Variants in MAPT observed in about 807,000 individuals in gnomAD.
MAPT encodes the protein microtubule-associated protein tau.
Under a neutral mutation model 67.9 loss-of-function variants are expected in MAPT, and 34 were observed. The observed-to-expected ratio is 0.50, with a 90% confidence interval of 0.38 to 0.67. The LOEUF (loss-of-function observed/expected upper bound fraction) is 0.67, where lower values mean the gene tolerates loss of function less well. Ranked by LOEUF, MAPT falls within the 30% of genes least tolerant of loss-of-function variation. The pLI, the probability that MAPT is intolerant of heterozygous loss-of-function variation, is 0.00. For synonymous variants in MAPT, 456 were observed against 464.5 expected, an observed-to-expected ratio of 0.98 and a Z score of 0.23; for missense variants, 881 against 1,115.2, an observed-to-expected ratio of 0.79 and a Z score of 2.99.
At chr17:45,976,663 AC>A (rs1371091660) in intron 3 of MAPT, 1 of 152,142 alleles carries the variant, frequency 6.6e-6, no homozygotes, top group Non-Finnish European at 1.5e-5. Flanking sequence ...CTCTTGTAAA[AC>A]ACTCCCCATG....
chr17:46,002,367 G>T (rs1568314470), intron 9 of MAPT, among the ~76,000 whole-genome samples: 1 of 152,140 alleles, frequency 6.6e-6, no homozygotes, highest in Admixed American at 6.5e-5. Flanking sequence ...TGAAGAAGCA[G>T]GGAGTCCCAG....
chr17:45,914,275 C>T (rs1260426553), intron 1 of MAPT, among the ~76,000 whole-genome samples: 1 of 115,826 alleles, frequency 8.6e-6, no homozygotes, highest in Non-Finnish European at 2.3e-5. Context: ...GAGCAGAGGG[C>T]GGCTGATCTG....
At chr17:45,923,918 C>T (rs2066007005) in intron 1 of MAPT, among the ~76,000 whole-genome samples, 1 of 152,138 alleles carries the variant, frequency 6.6e-6, no homozygotes, top group South Asian at 2.1e-4. Flanking sequence ...AATGGTAATA[C>T]CTGCTTTTTA....
At chr17:45,946,732 G>A (rs1379968389) in intron 1 of MAPT, among the ~76,000 whole-genome samples, 1 of 150,470 alleles carries the variant, frequency 6.6e-6, no homozygotes, top group Admixed American at 6.7e-5. Context: ...GGCTATTCCA[G>A]TAGTTACAAT....
intron 1 of MAPT, among the ~76,000 whole-genome samples, chr17:45,946,615 A>AAATATATATAT: frequency 5.0e-5 from 5 of 100,408 alleles, no homozygotes; most frequent in African/African-American, 2.2e-4. Flanking sequence ...AAAAAAAAAA[A>AAATATATATAT]ATATATATAT....
At chr17:45,966,252 T>G (rs893800499) in intron 2 of MAPT, among the ~76,000 whole-genome samples, 3 of 152,250 alleles carry the variant, frequency 2.0e-5, no homozygotes, top group Non-Finnish European at 4.4e-5. Context: ...ACAAGTTTTC[T>G]GTAAATCTAA....
rs912122198 is a variant in MAPT at position 45,982,687 on chromosome 17, G to C, written c.287-179G>C. ...AGCGAGCTGGTGGCGGCTAGACCAG[G>C]AGAGCTGTCATTCCAAGCAAGCAAA... On this transcript the variant is annotated intron_variant, in intron 4 of 12. Transcript: ENST00000262410. Among the ~76,000 whole-genome samples the C allele has an allele frequency of 3.3e-5, 5 of 152,076 alleles. No homozygotes were observed. The East Asian group carries it at 9.7e-4, about 30-fold the overall frequency.
chr17:45,982,093 G>A (rs986436602), intron 4 of MAPT, among the ~76,000 whole-genome samples: 1 of 151,862 alleles, frequency 6.6e-6, no homozygotes, highest in Non-Finnish European at 1.5e-5. Flanking sequence ...GGGGACCGGG[G>A]TGGGCAGATC....
chr17:46,022,032 A>T (rs1471392365), intron 12 of MAPT, among the ~76,000 whole-genome samples: 1 of 152,236 alleles, frequency 6.6e-6, no homozygotes, highest in East Asian at 1.9e-4. Flanking sequence ...TATTTTTATC[A>T]AAGCCTGTAT....
At chr17:45,986,897 G>A in intron 5 of MAPT, 143 bp from the exon 6 acceptor site, 1 of 704,700 alleles carries the variant, frequency 1.4e-6, no homozygotes, top group South Asian at 1.6e-5. Flanking sequence ...AGATTCAAGG[G>A]AAAAGAGAAC....
intron 1 of MAPT, among the ~76,000 whole-genome samples, chr17:45,913,128 C>G (rs1157063188): frequency 1.3e-5 from 2 of 152,258 alleles, no homozygotes; most frequent in Middle Eastern, 3.4e-3. Flanking sequence ...GGGGAATTTA[C>G]AAAAGAAAGA....
intron 9 of MAPT, chr17:45,999,171 C>T (rs2074771308): frequency 2.0e-6 from 3 of 1,465,284 alleles, no homozygotes; most frequent in Non-Finnish European, 2.7e-6. Flanking sequence ...AATCCAAGTT[C>T]AGTTGCCATC....
At position 45,971,714 on chromosome 17, in the gene MAPT, G is replaced by A. The variant is rs527629319; in HGVS notation, c.134-145G>A. The A allele has an allele frequency of 5.6e-6, 4 of 709,414 alleles. No individual in the cohort carries two copies. In the South Asian group the frequency reaches 6.0e-5, roughly 11 times the overall value. 43.9% of individuals were successfully genotyped at this position (709,414 alleles called of 1,614,324 possible). The stretch of plus-strand genomic sequence containing the variant: ...GGGAGGTGGGGTTGGTCCCCTTTGT[G>A]GGTTTGTTGCGAGGCCGTGTTCCAG... On this transcript the variant is annotated intron_variant, in intron 2 of 12. Coordinates refer to ENST00000262410, the MANE Select transcript of MAPT (RefSeq NM_001377265.1). This position sits in a 1 kb window ranked among gnomAD's most constrained non-coding sequence, Gnocchi z 4.3.
At chr17:45,895,530 G>C (rs1484119832) in intron 1 of MAPT, 1 of 152,298 alleles carries the variant, frequency 6.6e-6, no homozygotes, top group African/African-American at 2.4e-5. Context: ...CCGTTCGCGG[G>C]CACGCACAGC....
chr17:46,014,890 A>AG (rs2076068383), intron 11 of MAPT, among the ~76,000 whole-genome samples: 1 of 151,778 alleles, frequency 6.6e-6, no homozygotes, highest in Non-Finnish European at 1.5e-5. Context: ...CTCAAAAAAA[A>AG]AAAGCACATG....
intron 4 of MAPT, among the ~76,000 whole-genome samples, chr17:45,980,903 G>A (rs191165853): frequency 1.3e-5 from 2 of 152,338 alleles, no homozygotes; most frequent in Non-Finnish European, 1.5e-5. Context: ...TAAGGCACCT[G>A]CAGAGCCTGT....
chr17:45,997,226 C>T (rs1345880247), intron 9 of MAPT, among the ~76,000 whole-genome samples: 1 of 152,156 alleles, frequency 6.6e-6, no homozygotes, highest in Non-Finnish European at 1.5e-5. Flanking sequence ...CTTCGGGGGC[C>T]TGGCCTGGAT....
chr17:46,023,860 TC>T, intron 12 of MAPT, 95 bp from the exon 13 acceptor site: 1 of 1,009,908 alleles, frequency 9.9e-7, no homozygotes, highest in Admixed American at 1.8e-5. Flanking sequence ...CAAAAAACAG[TC>T]CCTGGCACTC....
rs528159153 is a variant in MAPT, at chr17:45,911,447, T to C, written c.-18+16761T>C. Among the ~76,000 whole-genome samples the C allele has an allele frequency of 4.8e-4, 72 of 149,282 alleles. No homozygotes were observed. The South Asian group carries it at 0.015, about 31-fold the overall frequency. On this transcript the variant is annotated intron_variant, in intron 1 of 12. Coordinates refer to ENST00000262410, the MANE Select transcript of MAPT (RefSeq NM_001377265.1). ...GAGTTTGAAACTAGCCTGGGCGATATAGCGAGAACCTGTCTCAAATGACAA... is the reference window on the plus strand; with the variant it reads ...GAGTTTGAAACTAGCCTGGGCGATACAGCGAGAACCTGTCTCAAATGACAA...
Sources: gnomAD v4.1 joint callset for allele counts (sites outside exome capture counted in the v4.1 genomes callset) on GRCh38, gnomAD v4.1.1 for gene constraint, Gnocchi (gnomAD v3.1) non-coding constraint, MANE v1.5 for transcripts, NCBI Gene and HGNC (gene_info 2026-07-23, HGNC 2026-07-21) for gene names.